Variants in ZFPM2 observed in about 807,000 individuals in gnomAD.
The protein encoded by ZFPM2 is zinc finger protein, FOG family member 2.
A neutral mutation model predicts 98.6 loss-of-function variants in ZFPM2; 20 were observed. The observed-to-expected ratio is 0.20, with a 90% CI of 0.14 to 0.29. The LOEUF (loss-of-function observed/expected upper bound fraction) is 0.29, where lower values mean the gene tolerates loss of function less well. Among genes scored for constraint, ZFPM2 ranks in the 10% least tolerant of loss-of-function variants. The pLI, the probability that ZFPM2 is intolerant of heterozygous loss-of-function variation, is 1.00. For synonymous variants in ZFPM2, 518 were observed against 502.7 expected, an observed-to-expected ratio of 1.03 and a Z score of -0.41; for missense variants, 1,310 against 1,388.6, an observed-to-expected ratio of 0.94 and a Z score of 0.90.
intron 4 of ZFPM2, among the ~76,000 whole-genome samples, chr8:105,577,775 C>A (rs796906589): frequency 0.016 from 1,725 of 110,526 alleles, 25 homozygotes; most frequent in African/African-American, 0.051. Flanking sequence ...GTGAGGAAAC[C>A]AAAAAAAAAA....
At chr8:105,734,502 G>T (rs1812022512) in intron 5 of ZFPM2, among the ~76,000 whole-genome samples, 1 of 151,922 alleles carries the variant, frequency 6.6e-6, no homozygotes, top group Admixed American at 6.6e-5. Context: ...TGACAGTGAA[G>T]TATCCACGAG....
intron 3 of ZFPM2, among the ~76,000 whole-genome samples, chr8:105,534,102 C>A: frequency 4.4e-5 from 2 of 45,308 alleles, no homozygotes; most frequent in African/African-American, 2.1e-4. Flanking sequence ...TCCCTCCCTT[C>A]CTCCCTTCCT....
At chr8:105,477,115 A>AC (rs1813026941) in intron 3 of ZFPM2, among the ~76,000 whole-genome samples, 1 of 152,030 alleles carries the variant, frequency 6.6e-6, no homozygotes, top group Non-Finnish European at 1.5e-5. Flanking sequence ...GACAAGATGT[A>AC]TATTCAACTG....
chr8:105,327,209 T>A (rs1478668264), intron 1 of ZFPM2, among the ~76,000 whole-genome samples: 2 of 151,630 alleles, frequency 1.3e-5, no homozygotes, highest in Non-Finnish European at 3.0e-5. Flanking sequence ...CTTGCAAGTG[T>A]AAGTTAATCT....
chr8:105,504,646 A>G (rs912891974), intron 3 of ZFPM2, among the ~76,000 whole-genome samples: 10 of 152,216 alleles, frequency 6.6e-5, no homozygotes, highest in Admixed American at 3.9e-4. Context: ...TGTTGTGAAA[A>G]TGCAAAGTTA....
intron 4 of ZFPM2, among the ~76,000 whole-genome samples, chr8:105,595,303 C>T (rs535263084): frequency 6.6e-6 from 1 of 152,064 alleles, no homozygotes; most frequent in East Asian, 1.9e-4. Context: ...GAGAAAAGGG[C>T]CCCTATTTTA....
chr8:105,477,692 A>G (rs757420174), intron 3 of ZFPM2, among the ~76,000 whole-genome samples: 1 of 152,196 alleles, frequency 6.6e-6, no homozygotes, highest in African/African-American at 2.4e-5. Context: ...CTCCTAAAAC[A>G]TAGTTGTTAG....
At chr8:105,784,521 C>T (rs1310030982) in intron 5 of ZFPM2, among the ~76,000 whole-genome samples, 1 of 145,798 alleles carries the variant, frequency 6.9e-6, no homozygotes, top group Non-Finnish European at 1.5e-5. Context: ...ATAACAGCCC[C>T]AAGTGGATGA....
At position 105,801,855 on chromosome 8, in the gene ZFPM2, G is replaced by A; in HGVS notation, c.1773G>A (p.Met591Ile). Residue 591 changes from methionine to isoleucine, a missense_variant, in exon 8 of 8, where the codon ATG (methionine) becomes ATA (isoleucine). Physicochemically the swap from Met to Ile is conservative, Grantham distance 10. Transcript: ENST00000407775. ...SPEFPSVSEK[M>I]PEALSPNTGQ... ...AGTTCCCTAGTGTGTCAGAAAAGAT[G>A]CCTGAAGCTTTGAGTCCCAACACTG... is the stretch of plus-strand genomic sequence containing the variant. The A allele has an allele frequency of 1.9e-6, 3 of 1,613,956 alleles. No individual in the cohort carries two copies. Among genetic ancestry groups the A allele is most frequent in the Non-Finnish European group, 2.5e-6 (3 of 1,179,874 alleles).
chr8:105,672,739 A>G (rs546736682), intron 5 of ZFPM2, among the ~76,000 whole-genome samples: 2 of 152,332 alleles, frequency 1.3e-5, no homozygotes, highest in African/African-American at 4.8e-5. Flanking sequence ...CATTTCAAAT[A>G]AAGTATAAAA....
intron 5 of ZFPM2, among the ~76,000 whole-genome samples, chr8:105,714,226 A>G (rs2130983406): frequency 6.6e-6 from 1 of 152,070 alleles, no homozygotes; most frequent in South Asian, 2.1e-4. Flanking sequence ...AGGGGGTTGC[A>G]ATTGTAAATA....
chr8:105,344,335 AG>A (rs1812479389), intron 1 of ZFPM2, among the ~76,000 whole-genome samples: 1 of 152,214 alleles, frequency 6.6e-6, no homozygotes, highest in Non-Finnish European at 1.5e-5. Context: ...GAGGGGCTCA[AG>A]CAGTACGTTC....
intron 3 of ZFPM2, among the ~76,000 whole-genome samples, chr8:105,551,431 C>A (rs1814850681): frequency 2.0e-5 from 3 of 152,006 alleles, no homozygotes; most frequent in Admixed American, 2.0e-4. Context: ...TATTTTTGAA[C>A]AAACTCTTTT....
At chr8:105,335,496 A>C (rs1025803176) in intron 1 of ZFPM2, among the ~76,000 whole-genome samples, 1 of 151,754 alleles carries the variant, frequency 6.6e-6, no homozygotes, top group African/African-American at 2.4e-5. Flanking sequence ...TTTTGGGAAA[A>C]AAGTTAATCT....
At chr8:105,470,823 G>T (rs1272410504) in intron 3 of ZFPM2, among the ~76,000 whole-genome samples, 1 of 151,324 alleles carries the variant, frequency 6.6e-6, no homozygotes, top group Non-Finnish European at 1.5e-5. Flanking sequence ...TTTCATTGAT[G>T]ATATTAGTTA....
At position 105,439,203 on chromosome 8, in the gene ZFPM2, T is replaced by A. The variant is rs544890679; in HGVS notation, c.200-5077T>A. Among the ~76,000 whole-genome samples the A allele has an allele frequency of 3.9e-5, 6 of 152,272 alleles. No homozygotes were observed. The South Asian group carries it at 1.2e-3, about 32-fold the overall frequency. ...GTTAATACCTGAATATAAAATAACT[T>A]CTCTAAGTGGTTCTGCTTAGATTTT... On this transcript the variant is annotated intron_variant, in intron 2 of 7. Transcript: ENST00000407775.
chr8:105,441,436 G>GAC lies in ZFPM2; in HGVS notation c.200-2843_200-2842insCA, dbSNP rs1166458927. 3.2e-4 allele frequency among the ~76,000 whole-genome samples: 22 copies of GAC among 69,070 alleles called. 1 individual carries two copies. The highest frequency in any genetic ancestry group is 2.3e-3 in the African/African-American group (21 of 9,072). The allele number at this position is 69,070 out of a possible 152,430, so 45.3% of individuals were successfully genotyped here. A position where few individuals can be genotyped will look rare whatever the true frequency, so the allele number is the denominator to read the frequency against. On this transcript the variant is annotated intron_variant, in intron 2 of 7. Transcript: ENST00000407775. Reference sequence around the variant, plus strand: ...CAACAAAAAAAAAGAAAGAAAGAAAGAGAGAGAGAGAGAGAGAGAAAGAAA... The same window carrying GAC: ...CAACAAAAAAAAAGAAAGAAAGAAAGACAGAGAGAGAGAGAGAGAGAAAGAAA...
intron 6 of ZFPM2, among the ~76,000 whole-genome samples, chr8:105,791,457 A>C (rs1212062532): frequency 6.6e-6 from 1 of 152,042 alleles, no homozygotes; most frequent in East Asian, 1.9e-4. Flanking sequence ...ATCATGGTGG[A>C]TAAGCTTTTT....
chr8:105,455,198 G>A (rs866706662), intron 3 of ZFPM2, among the ~76,000 whole-genome samples: 3 of 152,092 alleles, frequency 2.0e-5, no homozygotes, highest in Non-Finnish European at 1.5e-5. Flanking sequence ...AATATTTCCA[G>A]TTCCAAGCAT....
Sources: gnomAD v4.1 joint callset for allele counts (sites outside exome capture counted in the v4.1 genomes callset) on GRCh38, gnomAD v4.1.1 for gene constraint, MANE v1.5 for transcripts, NCBI Gene and HGNC (gene_info 2026-07-23, HGNC 2026-07-21) for gene names.